DHRS9: variants seen among roughly 807,000 people sequenced by gnomAD.
DHRS9 encodes dehydrogenase/reductase 9.
In DHRS9, 18 loss-of-function variants were observed where a neutral mutation model predicts 26.6. That is an observed-to-expected ratio of 0.68 (90% CI 0.47 to 1.00). The LOEUF (loss-of-function observed/expected upper bound fraction) is 1.00, where lower values mean the gene tolerates loss of function less well. Among genes scored for constraint, DHRS9 ranks in the 50% least tolerant of loss-of-function variants. The pLI, the probability that DHRS9 is intolerant of heterozygous loss-of-function variation, is 0.00. For synonymous variants in DHRS9, 134 were observed against 141.1 expected, an observed-to-expected ratio of 0.95 and a Z score of 0.36; for missense variants, 425 against 378.7, an observed-to-expected ratio of 1.12 and a Z score of -1.01.
At chr2:169,073,472 T>G (rs1188054575) in intron 1 of DHRS9, among the ~76,000 whole-genome samples, 1 of 152,182 alleles carries the variant, frequency 6.6e-6, no homozygotes, top group African/African-American at 2.4e-5. Context: ...ACCAGGAACT[T>G]GAGAATCATA....
At chr2:169,079,809 C>T (rs1684089049) in intron 1 of DHRS9, among the ~76,000 whole-genome samples, 1 of 147,734 alleles carries the variant, frequency 6.8e-6, no homozygotes, top group African/African-American at 2.5e-5. Flanking sequence ...TGCAATGAGC[C>T]GAGATTGCAC....
Position 169,078,088 on chromosome 2 carries a change from G to A in DHRS9, c.-59-3435G>A, listed in dbSNP as rs150513382. Among the ~76,000 whole-genome samples, 3 of 152,314 alleles carry A rather than the reference G, an allele frequency of 2.0e-5. No individual in the cohort carries two copies. In the East Asian group the frequency reaches 5.8e-4, roughly 29 times the overall value. ...CTCCAGTCCCCAGAGCCCCTCATCT[G>A]TCTCCTATAGTGGAAGGACACAGCA... On this transcript the variant is annotated intron_variant, in intron 1 of 4. Transcript: ENST00000674881.
At chr2:169,068,072 T>C (rs928283629), upstream of DHRS9, among the ~76,000 whole-genome samples, 2 of 152,262 alleles carry the variant, frequency 1.3e-5, no homozygotes, top group African/African-American at 4.8e-5. Context: ...ACTTTTTCTT[T>C]GCCCTTTTCA....
chr2:169,069,345 C>A, upstream of DHRS9: 1 of 873,068 alleles, frequency 1.1e-6, no homozygotes, highest in Non-Finnish European at 1.4e-6. Context: ...TGAATTTGGT[C>A]AAGAGATTGT....
chr2:169,079,881 G>A (rs981285906), intron 1 of DHRS9, among the ~76,000 whole-genome samples: 3 of 66,338 alleles, frequency 4.5e-5, no homozygotes, highest in African/African-American at 1.1e-4. Context: ...AAGAAAGAAA[G>A]AAAGAGAGAG....
Position 169,069,604 on chromosome 2 carries a change from G to A in DHRS9, c.-173G>A, listed in dbSNP as rs1683741151. ...AAACCCAGGCACCTCGACCTCAAGAGGATCAGCCTGGCCAGGGTGGCACAA... is the reference window on the plus strand; with the variant it reads ...AAACCCAGGCACCTCGACCTCAAGAAGATCAGCCTGGCCAGGGTGGCACAA... On this transcript the variant is annotated 5_prime_UTR_variant, in exon 1 of 5. Transcript: ENST00000674881. 4 of 985,342 alleles carry A rather than the reference G, an allele frequency of 4.1e-6. No individual in the cohort carries two copies. The highest frequency in any genetic ancestry group is 5.2e-4 in the Middle Eastern group (1 of 1,938). 61.0% of individuals were successfully genotyped at this position (985,342 alleles called of 1,614,324 possible).
At position 169,088,273 on chromosome 2, in the gene DHRS9, C is replaced by T. The variant is rs367781076; in HGVS notation, c.573-3517C>T. 1.5e-4 allele frequency among the ~76,000 whole-genome samples: 23 copies of T among 152,164 alleles called. 1 individual carries two copies. The highest frequency in any genetic ancestry group is 5.8e-4 in the East Asian group (3 of 5,172). On this transcript the variant is annotated intron_variant, in intron 3 of 4. Transcript: ENST00000674881. ...TGCTTTCCACTGTGACAGGGCAGCACTGAGTTCCAATGCAAAGTCCCACAA... is the reference window on the plus strand; with the variant it reads ...TGCTTTCCACTGTGACAGGGCAGCATTGAGTTCCAATGCAAAGTCCCACAA...
At position 169,083,575 on chromosome 2, in the gene DHRS9, A is replaced by G. The variant is rs756277910; in HGVS notation, c.560A>G (p.Asn187Ser). The G allele has an allele frequency of 1.1e-5, 17 of 1,613,902 alleles. No individual in the cohort carries two copies. The highest frequency in any genetic ancestry group is 1.4e-5 in the Non-Finnish European group (17 of 1,179,958). Residue 187 changes from asparagine to serine, a missense_variant, in exon 3 of 5, where the codon AAT (asparagine) becomes AGT (serine). Asn to Ser is a conservative substitution (Grantham distance 46, BLOSUM62 1). Transcript: ENST00000674881. ...TCCAAATATGCAGTGGAAGGTTTCA[A>G]TGACAGCTTAAGGTAAATCAAATTA... ...TPSKYAVEGF[N>S]DSLRRDMKAF...
At chr2:169,085,863 T>G (rs1018215185) in intron 3 of DHRS9, among the ~76,000 whole-genome samples, 1 of 152,198 alleles carries the variant, frequency 6.6e-6, no homozygotes, top group Non-Finnish European at 1.5e-5. Flanking sequence ...TGGAGCTCCA[T>G]TGTATGTTAT....
At chr2:169,085,721 G>C (rs1684329431) in intron 3 of DHRS9, among the ~76,000 whole-genome samples, 1 of 152,074 alleles carries the variant, frequency 6.6e-6, no homozygotes, top group African/African-American at 2.4e-5. Context: ...TGTTGATTTT[G>C]TATCCTGCAA....
chr2:169,092,695 G>A (rs1165283974), intron 4 of DHRS9, among the ~76,000 whole-genome samples: 2 of 152,164 alleles, frequency 1.3e-5, no homozygotes, highest in Non-Finnish European at 2.9e-5. Flanking sequence ...GGAACACATG[G>A]AGGAGAAGAT....
intron 3 of DHRS9, among the ~76,000 whole-genome samples, chr2:169,087,816 G>A (rs1013900026): frequency 6.6e-6 from 1 of 152,076 alleles, no homozygotes; most frequent in African/African-American, 2.4e-5. Context: ...GGGGCCTCAG[G>A]ACTCTACCTG....
intron 3 of DHRS9, among the ~76,000 whole-genome samples, chr2:169,085,533 A>G (rs1187275217): frequency 6.6e-6 from 1 of 152,026 alleles, no homozygotes; most frequent in Non-Finnish European, 1.5e-5. Context: ...TTTTTATTGC[A>G]GAGAGCTCTC....
chr2:169,074,459 G>C (rs1290474239), intron 1 of DHRS9: 2 of 985,264 alleles, frequency 2.0e-6, no homozygotes, highest in African/African-American at 3.5e-5. Context: ...AACAACTCAA[G>C]CAACCAGGTC....
At chr2:169,088,244 G>A (rs1044135220) in intron 3 of DHRS9, among the ~76,000 whole-genome samples, 1 of 152,120 alleles carries the variant, frequency 6.6e-6, no homozygotes, top group African/African-American at 2.4e-5. Context: ...GTTCTGCCTG[G>A]TGTTGCTTTC....
chr2:169,075,613 T>A (rs1413411705), intron 1 of DHRS9, among the ~76,000 whole-genome samples: 5 of 152,084 alleles, frequency 3.3e-5, no homozygotes, highest in Admixed American at 6.6e-5. Context: ...GAAAAAAAAA[T>A]TTTGATCCAG....
chr2:169,093,301 T>C (rs934269105), intron 4 of DHRS9, among the ~76,000 whole-genome samples: 3 of 151,646 alleles, frequency 2.0e-5, no homozygotes, highest in African/African-American at 7.3e-5. Flanking sequence ...GTTTTTAAAA[T>C]GACTGACTCC....
intron 1 of DHRS9, among the ~76,000 whole-genome samples, chr2:169,074,868 C>G (rs1178920832): frequency 6.6e-6 from 1 of 152,112 alleles, no homozygotes; most frequent in Non-Finnish European, 1.5e-5. Context: ...ACCCTCAGTC[C>G]AGAGCTGTAC....
At chr2:169,070,446 A>C (rs752058392) in intron 1 of DHRS9, 22 of 985,456 alleles carry the variant, frequency 2.2e-5, no homozygotes, top group Non-Finnish European at 2.7e-5. Flanking sequence ...TTAGAGTTGT[A>C]CAAATGGCTC....
Sources: gnomAD v4.1 joint callset for allele counts (sites outside exome capture counted in the v4.1 genomes callset) on GRCh38, gnomAD v4.1.1 for gene constraint, MANE v1.5 for transcripts, NCBI Gene and HGNC (gene_info 2026-07-23, HGNC 2026-07-21) for gene names.